ERC1: variants seen among roughly 807,000 people sequenced by gnomAD.
ERC1 encodes the protein RAB6 interacting protein 2.
ERC1 carries 56 observed loss-of-function variants against 132.0 expected under a neutral mutation model. That is an observed-to-expected ratio of 0.42 (90% CI 0.34 to 0.53). ERC1 has a LOEUF of 0.53. ERC1 is among the 20% of genes least tolerant of loss of function. The pLI, the probability that ERC1 is intolerant of heterozygous loss-of-function variation, is 0.03. For synonymous variants in ERC1, 478 were observed against 476.1 expected, an observed-to-expected ratio of 1.00 and a Z score of -0.05; for missense variants, 1,202 against 1,349.9, an observed-to-expected ratio of 0.89 and a Z score of 1.72.
chr12:1,360,247 G>GGATC (rs1461446531), intron 15 of ERC1, among the ~76,000 whole-genome samples: 3 of 152,170 alleles, frequency 2.0e-5, no homozygotes, highest in African/African-American at 7.2e-5. Flanking sequence ...ATATAAACAG[G>GGATC]GATCTGGATG....
intron 12 of ERC1, among the ~76,000 whole-genome samples, chr12:1,192,699 T>C (rs1180815080): frequency 6.6e-6 from 1 of 152,208 alleles, no homozygotes; most frequent in Non-Finnish European, 1.5e-5. Context: ...CCTGGGAAAG[T>C]GAGCATTAAG....
At chr12:1,303,619 A>G (rs1312051673) in intron 15 of ERC1, among the ~76,000 whole-genome samples, 1 of 151,306 alleles carries the variant, frequency 6.6e-6, no homozygotes, top group East Asian at 1.9e-4. Context: ...AGCCTGCATG[A>G]CAGAGCAAGA....
chr12:1,413,156 C>T (rs559835641), intron 17 of ERC1, among the ~76,000 whole-genome samples: 1 of 152,096 alleles, frequency 6.6e-6, no homozygotes, highest in South Asian at 2.1e-4. Flanking sequence ...AAAGAAATTC[C>T]CTATTGTATG....
At chr12:1,358,743 G>T (rs929311883) in intron 15 of ERC1, among the ~76,000 whole-genome samples, 6 of 152,136 alleles carry the variant, frequency 3.9e-5, no homozygotes, top group African/African-American at 1.4e-4. Flanking sequence ...GCTGCTTCCC[G>T]CTCATAGACT....
intron 7 of ERC1, among the ~76,000 whole-genome samples, chr12:1,119,801 C>A (rs1412108429): frequency 1.3e-5 from 2 of 152,030 alleles, no homozygotes; most frequent in African/African-American, 4.8e-5. Flanking sequence ...CTGTCCTCCT[C>A]AGCCACCCAA....
At chr12:1,123,721 G>A (rs749320503) in intron 7 of ERC1, among the ~76,000 whole-genome samples, 18 of 152,198 alleles carry the variant, frequency 1.2e-4, no homozygotes, top group Non-Finnish European at 2.5e-4. Context: ...CGGGCCGGGC[G>A]CGGCAGCCCA....
At chr12:1,413,002 G>A (rs1375282740) in intron 17 of ERC1, among the ~76,000 whole-genome samples, 5 of 152,186 alleles carry the variant, frequency 3.3e-5, no homozygotes, top group Admixed American at 6.5e-5. Flanking sequence ...AGGCATTTCT[G>A]TGGTCTGGAA....
At chr12:1,338,908 G>C (rs146174661) in intron 15 of ERC1, among the ~76,000 whole-genome samples, 52 of 152,310 alleles carry the variant, frequency 3.4e-4, no homozygotes, top group African/African-American at 1.2e-3. Context: ...CTGAGGTTAG[G>C]AGTCCACTGT....
At chr12:1,451,937 G>GGT (rs2093433721) in intron 18 of ERC1, among the ~76,000 whole-genome samples, 2 of 152,194 alleles carry the variant, frequency 1.3e-5, no homozygotes, top group South Asian at 4.1e-4. Context: ...GACACACCAG[G>GGT]GTACACACAC....
At chr12:1,298,362 T>C (rs1052007769) in intron 15 of ERC1, among the ~76,000 whole-genome samples, 2 of 151,840 alleles carry the variant, frequency 1.3e-5, no homozygotes, top group Admixed American at 1.3e-4. Flanking sequence ...GCCAACGTGG[T>C]GAAACCCCCA....
chr12:1,334,217 A>G (rs73038636), intron 15 of ERC1, among the ~76,000 whole-genome samples: 4,597 of 152,204 alleles, frequency 0.03, 73 homozygotes, highest in Middle Eastern at 0.071. Flanking sequence ...CTTTTGCTGT[A>G]CAGAAACTCT....
At chr12:1,146,948 C>T (rs577654137) in intron 8 of ERC1, among the ~76,000 whole-genome samples, 1 of 152,282 alleles carries the variant, frequency 6.6e-6, no homozygotes. Flanking sequence ...ACAAAGGACA[C>T]AAACTCATCA....
chr12:1,068,658 T>C (rs2154180461), intron 2 of ERC1, among the ~76,000 whole-genome samples: 1 of 151,620 alleles, frequency 6.6e-6, no homozygotes, highest in East Asian at 1.9e-4. Flanking sequence ...TTTTGTTTTT[T>C]AAGTGAACAA....
chr12:1,203,728 A>G (rs370137803), intron 12 of ERC1, among the ~76,000 whole-genome samples: 4 of 152,214 alleles, frequency 2.6e-5, no homozygotes, highest in Non-Finnish European at 5.9e-5. Context: ...CTTTTTGAAA[A>G]GAGAAAAACT....
chr12:1,253,973 C>T lies in ERC1; in HGVS notation c.2488-9061C>T, dbSNP rs536189925. Among the ~76,000 whole-genome samples the T allele has an allele frequency of 6.0e-4, 92 of 152,298 alleles. 1 individual carries two copies. The highest frequency in any genetic ancestry group is 2.1e-3 in the African/African-American group (88 of 41,560). Reference sequence around the variant, plus strand: ...TCTACCAGACCCCTCAAAGTAGTCACACAAACCTCCTGCCGTGAACCCTGT... The same window carrying T: ...TCTACCAGACCCCTCAAAGTAGTCATACAAACCTCCTGCCGTGAACCCTGT... On this transcript the variant is annotated intron_variant, in intron 13 of 18. Transcript: ENST00000360905.
chr12:1,193,081 C>CTTTGCAT (rs529009812), intron 12 of ERC1, among the ~76,000 whole-genome samples: 69 of 152,218 alleles, frequency 4.5e-4, no homozygotes, highest in African/African-American at 1.4e-3. Flanking sequence ...CCTTAGTATT[C>CTTTGCAT]TTTGCATTTT....
intron 15 of ERC1, among the ~76,000 whole-genome samples, chr12:1,367,609 A>G (rs2086784824): frequency 6.6e-6 from 1 of 152,218 alleles, no homozygotes; most frequent in African/African-American, 2.4e-5. Flanking sequence ...ATGTTATTCA[A>G]AAGCATTTTG....
At chr12:1,055,353 T>C (rs1972756405) in intron 2 of ERC1, among the ~76,000 whole-genome samples, 1 of 152,098 alleles carries the variant, frequency 6.6e-6, no homozygotes, top group Non-Finnish European at 1.5e-5. Context: ...CTAATTTTTG[T>C]ATTTTTAGTA....
intron 15 of ERC1, among the ~76,000 whole-genome samples, chr12:1,322,205 A>G (rs2082161251): frequency 6.6e-6 from 1 of 152,138 alleles, no homozygotes; most frequent in Non-Finnish European, 1.5e-5. Flanking sequence ...GCATAATAAT[A>G]ACTAATTCAT....
Sources: allele counts gnomAD v4.1 joint callset (sites outside exome capture counted in the v4.1 genomes callset), GRCh38; gene constraint gnomAD v4.1.1; transcripts MANE v1.5; gene names NCBI Gene and HGNC (gene_info 2026-07-23, HGNC 2026-07-21).